Variants in RTN1 observed in about 807,000 individuals in gnomAD.
RTN1 encodes the protein reticulon-1.
Under a neutral mutation model 65.5 loss-of-function variants are expected in RTN1, and 25 were observed. The ratio of observed to expected loss-of-function variants is 0.38; its 90% CI spans 0.28 to 0.53. The LOEUF is 0.53. Ranked by LOEUF, RTN1 falls within the 20% of genes least tolerant of loss-of-function variation. The probability of loss-of-function intolerance (pLI) is 0.79; values close to 1 mark genes in which losing one functional copy is unlikely to be tolerated. For synonymous variants in RTN1, 471 were observed against 447.6 expected (o/e 1.05, Z -0.66); for missense variants, 983 against 1,025.4 (o/e 0.96, Z 0.57).
intron 2 of RTN1, among the ~76,000 whole-genome samples, chr14:59,739,304 TGAGGCCAGGAGTTCGGG>T (rs1184128721): frequency 3.3e-5 from 5 of 152,082 alleles, no homozygotes; most frequent in Admixed American, 6.6e-5. Context: ...GCAGATCACC[TGAGGCCAGGAGTTCGGG>T]GAGGCCAGGA....
At chr14:59,750,003 TA>T (rs1183736235) in intron 1 of RTN1, among the ~76,000 whole-genome samples, 5 of 99,120 alleles carry the variant, frequency 5.0e-5, no homozygotes, top group Admixed American at 1.8e-4. Flanking sequence ...ATATATATTA[TA>T]TACATATATA....
At chr14:59,784,786 T>C (rs550977689) in intron 1 of RTN1, among the ~76,000 whole-genome samples, 1 of 152,334 alleles carries the variant, frequency 6.6e-6, no homozygotes, top group South Asian at 2.1e-4. Flanking sequence ...GTATAATAAC[T>C]CTTGGTAGCT....
intron 1 of RTN1, among the ~76,000 whole-genome samples, chr14:59,841,680 C>G (rs1887314477): frequency 6.7e-6 from 1 of 148,978 alleles, no homozygotes; most frequent in African/African-American, 2.5e-5. Flanking sequence ...GCACTCCAGC[C>G]TGGGAGACAG....
intron 3 of RTN1, among the ~76,000 whole-genome samples, chr14:59,696,319 T>C (rs1344335629): frequency 6.6e-6 from 1 of 152,182 alleles, no homozygotes; most frequent in Non-Finnish European, 1.5e-5. Flanking sequence ...CATAATTACC[T>C]TGGTGTCTTC....
At chr14:59,761,449 C>T (rs1229152823) in intron 1 of RTN1, among the ~76,000 whole-genome samples, 1 of 152,196 alleles carries the variant, frequency 6.6e-6, no homozygotes, top group Non-Finnish European at 1.5e-5. Context: ...GACTTTGCTC[C>T]TCATTTGCCT....
chr14:59,806,167 C>T (rs1420979037), intron 1 of RTN1, among the ~76,000 whole-genome samples: 2 of 151,914 alleles, frequency 1.3e-5, no homozygotes, highest in Non-Finnish European at 1.5e-5. Flanking sequence ...ACCTGGGAGG[C>T]GGAGGGTATA....
chr14:59,789,688 A>T (rs1434016412), intron 1 of RTN1, among the ~76,000 whole-genome samples: 1 of 152,120 alleles, frequency 6.6e-6, no homozygotes, highest in Non-Finnish European at 1.5e-5. Flanking sequence ...TGCAATTCAG[A>T]ACTTCTACAT....
Position 59,824,317 on chromosome 14 carries a change from T to G in RTN1, c.241+46073A>C, listed in dbSNP as rs191065879. 3.2e-4 allele frequency among the ~76,000 whole-genome samples: 49 copies of G among 152,346 alleles called. No homozygotes were observed. The East Asian group carries it at 6.0e-3, about 19-fold the overall frequency. On this transcript the variant is annotated intron_variant, in intron 1 of 8. Coordinates refer to ENST00000267484, the MANE Select transcript of RTN1 (RefSeq NM_021136.3). ...ATGTTCTTCATTATCTTAATTTTGCTTGTTCTTACTGTATGGATGGCTTTA... is the reference window on the plus strand; with the variant it reads ...ATGTTCTTCATTATCTTAATTTTGCGTGTTCTTACTGTATGGATGGCTTTA...
At chr14:59,840,723 T>C (rs1887295837) in intron 1 of RTN1, among the ~76,000 whole-genome samples, 2 of 152,220 alleles carry the variant, frequency 1.3e-5, no homozygotes, top group Admixed American at 1.3e-4. Context: ...ATGTGCCCTT[T>C]TGGGGAACCT....
intron 1 of RTN1, among the ~76,000 whole-genome samples, chr14:59,793,681 A>C (rs1053227704): frequency 1.3e-5 from 2 of 151,258 alleles, no homozygotes; most frequent in Non-Finnish European, 2.9e-5. Context: ...CAGAGTGATG[A>C]GAACAAAAAG....
intron 3 of RTN1, among the ~76,000 whole-genome samples, chr14:59,703,320 A>G (rs143407278): frequency 2.8e-3 from 421 of 152,222 alleles, no homozygotes; most frequent in Non-Finnish European, 4.7e-3. Context: ...CATGGGGACA[A>G]CCTTCATGAA....
At chr14:59,705,776 A>G (rs1014775942) in intron 3 of RTN1, among the ~76,000 whole-genome samples, 9 of 152,200 alleles carry the variant, frequency 5.9e-5, no homozygotes, top group African/African-American at 1.9e-4. Context: ...GTCCCTACAA[A>G]TACCTTGCAG....
At chr14:59,860,669 A>T (rs1008896569) in intron 1 of RTN1, among the ~76,000 whole-genome samples, 2 of 152,176 alleles carry the variant, frequency 1.3e-5, no homozygotes, top group African/African-American at 4.8e-5. Context: ...GGGAGGCTGT[A>T]CCCTGAAAAG....
At chr14:59,638,289 G>A (rs1255197027) in intron 3 of RTN1, among the ~76,000 whole-genome samples, 1 of 152,142 alleles carries the variant, frequency 6.6e-6, no homozygotes, top group Non-Finnish European at 1.5e-5. Flanking sequence ...AGGTGACCAG[G>A]TTCATGGTCA....
intron 3 of RTN1, among the ~76,000 whole-genome samples, chr14:59,645,443 T>C (rs1882873281): frequency 6.6e-6 from 1 of 152,000 alleles, no homozygotes; most frequent in Non-Finnish European, 1.5e-5. Context: ...GTTACATGTT[T>C]TCTATATGTT....
At chr14:59,627,279 C>G (rs113126377) in intron 3 of RTN1, among the ~76,000 whole-genome samples, 4 of 152,348 alleles carry the variant, frequency 2.6e-5, no homozygotes, top group African/African-American at 9.6e-5. Context: ...CCATCAACCT[C>G]AGCGGCAGAA....
At chr14:59,674,296 A>G (rs1472463996) in intron 3 of RTN1, among the ~76,000 whole-genome samples, 2 of 152,234 alleles carry the variant, frequency 1.3e-5, no homozygotes, top group Non-Finnish European at 2.9e-5. Flanking sequence ...TGCACTAGGT[A>G]GTTTTCCAAA....
intron 3 of RTN1, among the ~76,000 whole-genome samples, chr14:59,720,987 A>G (rs1884635215): frequency 6.6e-6 from 1 of 152,214 alleles, no homozygotes; most frequent in Non-Finnish European, 1.5e-5. Context: ...GAACACATAC[A>G]GGACTAGGGT....
At chr14:59,718,463 G>A (rs2139464871) in intron 3 of RTN1, among the ~76,000 whole-genome samples, 1 of 152,156 alleles carries the variant, frequency 6.6e-6, no homozygotes, top group East Asian at 1.9e-4. Flanking sequence ...TGATTTCTTG[G>A]CCCTAGGCAA....
Sources: allele counts gnomAD v4.1 joint callset (sites outside exome capture counted in the v4.1 genomes callset), GRCh38; gene constraint gnomAD v4.1.1; transcripts MANE v1.5; gene names NCBI Gene and HGNC (gene_info 2026-07-23, HGNC 2026-07-21).